The following ARAP3 variants were observed in gnomAD, a reference collection of about 807,000 sequenced individuals.
ARAP3 encodes the protein arf-GAP with Rho-GAP domain, ANK repeat and PH domain-containing protein 3.
A neutral mutation model predicts 169.2 loss-of-function variants in ARAP3; 82 were observed. The observed-to-expected ratio is 0.48, with a 90% CI of 0.41 to 0.58. The LOEUF (loss-of-function observed/expected upper bound fraction) is 0.58, where lower values mean the gene tolerates loss of function less well. Among genes scored for constraint, ARAP3 ranks in the 20% least tolerant of loss-of-function variants. The pLI is 0.00. For missense variants in ARAP3, 1,764 were observed against 2,018.0 expected, an observed-to-expected ratio of 0.87 and a Z score of 2.41; for synonymous variants, 791 against 800.3, an observed-to-expected ratio of 0.99 and a Z score of 0.20.
chr5:141,669,747 C>T lies in ARAP3; in HGVS notation c.2314G>A (p.Ala772Thr), dbSNP rs200780879. 2.1e-4 allele frequency: 338 copies of T among 1,614,138 alleles called. 1 individual carries two copies. The highest frequency in any genetic ancestry group is 1.4e-4 in the Non-Finnish European group (165 of 1,179,998). ...CTAGTCCAGGCCTCCAGACTGTCAG[C>T]TCCATCTGTGCCAAAATGCTGGATC... is the stretch of plus-strand genomic sequence containing the variant. ...GRIQHFGTDGADSLEAWTSAV... is the reference protein window; with the variant it reads ...GRIQHFGTDGTDSLEAWTSAV... The change falls in exon 16 of 33, where the codon GCT becomes ACT. Residue 772 changes from alanine to threonine, a missense_variant. Transcript: ENST00000239440.
At chr5:141,661,619 T>C (rs138633795) in intron 21 of ARAP3, 65 bp downstream of exon 21, 4 of 1,427,080 alleles carry the variant, frequency 2.8e-6, no homozygotes, top group African/African-American at 1.4e-5. Context: ...AATGAATAAA[T>C]GAATGAAAGT....
chr5:141,676,339 C>T (rs993030132), intron 4 of ARAP3, among the ~76,000 whole-genome samples: 2 of 152,220 alleles, frequency 1.3e-5, no homozygotes, highest in African/African-American at 4.8e-5. Flanking sequence ...CAGAGCAAGA[C>T]TCCGTCTCAA....
chr5:141,654,359 T>C lies in ARAP3; in HGVS notation c.4226A>G (p.Glu1409Gly). ...EEPVYEEPVY[E>G]EVGAFPELIQ... The stretch of plus-strand genomic sequence containing the variant: ...CAACTCAGGGAAGGCCCCTACTTCC[T>C]CATACACTGGCTCCTCGTACACAGG... Residue 1409 changes from glutamate (E) to glycine (G), a missense_variant, in exon 33 of 33, where the codon GAG (glutamate) becomes GGG (glycine). By Grantham distance (98) the Glu-to-Gly change is moderately conservative. Transcript: ENST00000239440. The C allele has an allele frequency of 2.5e-6, 4 of 1,613,984 alleles. No individual in the cohort carries two copies. Among genetic ancestry groups the C allele is most frequent in the Non-Finnish European group, 2.5e-6 (3 of 1,179,944 alleles).
At chr5:141,656,017 GGGTGCAGA>G in intron 29 of ARAP3, 39 bp downstream of exon 29, 2 of 1,613,956 alleles carry the variant, frequency 1.2e-6, no homozygotes, top group Non-Finnish European at 1.7e-6. Context: ...AGAAAAGACA[GGGTGCAGA>G]GGTGGGCCAG....
At position 141,655,420 on chromosome 5, in the gene ARAP3, G is replaced by A; in HGVS notation, c.4111-20C>T. ...TCGCCGCTGGACACAGGTGGGGTGG[G>A]GACAAGGGGAAGGAAAGACATAAAG... On this transcript the variant is annotated intron_variant, in intron 31 of 32. Transcript: ENST00000239440. 6.3e-7 allele frequency: 1 copy of A among 1,586,760 alleles called. No homozygotes were observed. The highest frequency in any genetic ancestry group is 1.8e-5 in the Admixed American group (1 of 55,266).
Position 141,680,068 on chromosome 5 carries a change from G to A in ARAP3, c.419C>T (p.Thr140Ile), listed in dbSNP as rs1315415740. 6.2e-7 allele frequency: 1 copy of A among 1,614,130 alleles called. No homozygotes were observed. The highest frequency in any genetic ancestry group is 2.2e-5 in the East Asian group (1 of 44,868). Residue 140 changes from threonine to isoleucine, a missense_variant, in exon 2 of 33, where the codon ACT becomes ATT. Physicochemically the swap from Thr to Ile is moderately conservative, Grantham distance 89 (BLOSUM62 -1). Coordinates refer to ENST00000239440, the MANE Select transcript of ARAP3 (RefSeq NM_022481.6). ...EPSPRPPPLP[T>I]SSSEQSSALN... ...GGCTGAAGACTGCTCAGAGGAGGAA[G>A]TGGGGAGAGGAGGAGGCCTTGGGCT...
chr5:141,659,874 G>C lies in ARAP3; in HGVS notation c.3172C>G (p.Leu1058Val). The change falls in exon 22 of 33, where the codon CTG becomes GTG. Residue 1058 changes from leucine (L) to valine (V), a missense_variant. Around this residue, in one of 3 missense-constraint regions of ARAP3, gnomAD observed 1,112 missense variants for 1,285.7 expected, o/e 0.86. Transcript: ENST00000239440. ...GTCTGGAACACGCTGGGTGCAAACAGCAGAGCCAAGTTCCGCGTGCACATC... is the reference window on the plus strand; with the variant it reads ...GTCTGGAACACGCTGGGTGCAAACACCAGAGCCAAGTTCCGCGTGCACATC... ...NQMCTRNLAL[L>V]FAPSVFQTDG... 6.3e-7 allele frequency: 1 copy of C among 1,596,138 alleles called. No homozygotes were observed. The highest frequency in any genetic ancestry group is 8.5e-7 in the Non-Finnish European group (1 of 1,171,962).
Position 141,672,418 on chromosome 5 carries a change from A to G in ARAP3, c.1386-117T>C, listed in dbSNP as rs1040507409. On this transcript the variant is annotated intron_variant, in intron 9 of 32. Transcript: ENST00000239440. This position sits in a 1 kb window ranked among gnomAD's most constrained non-coding sequence, Gnocchi z 4.9. Reference sequence around the variant, plus strand: ...CTGGGGCAGCCCAGACCCTTCTGACATCTTGACCTAGCTCACTGGACTACC... The same window carrying G: ...CTGGGGCAGCCCAGACCCTTCTGACGTCTTGACCTAGCTCACTGGACTACC... 76 of 1,487,594 alleles carry G rather than the reference A, an allele frequency of 5.1e-5. No homozygotes were observed. The highest frequency in any genetic ancestry group is 6.9e-5 in the Non-Finnish European group (75 of 1,090,912). 92.1% of individuals were successfully genotyped at this position (1,487,594 alleles called of 1,614,324 possible).
chr5:141,675,038 G>A (rs73285864), intron 4 of ARAP3, among the ~76,000 whole-genome samples: 129 of 152,320 alleles, frequency 8.5e-4, no homozygotes, highest in African/African-American at 3.0e-3. Context: ...AGTGAGGCCC[G>A]TAGGCCACTC....
rs184095291 is a variant in ARAP3, at chr5:141,663,206, C to T, written c.2801-951G>A. ...ACCCACCCTGCTTACTGCCATATCC[C>T]CAGTGTCTGACACACGGTAGCAGCT... On this transcript the variant is annotated intron_variant, in intron 19 of 32. Transcript: ENST00000239440. Among the ~76,000 whole-genome samples, 165 of 152,290 alleles carry T rather than the reference C, an allele frequency of 1.1e-3. 3 individuals are homozygous for T. The highest frequency in any genetic ancestry group is 3.7e-3 in the African/African-American group (154 of 41,560).
At chr5:141,664,377 C>A (rs368380203) in intron 19 of ARAP3, among the ~76,000 whole-genome samples, 25 of 151,958 alleles carry the variant, frequency 1.6e-4, no homozygotes, top group African/African-American at 6.0e-4. Flanking sequence ...GAGCAAGACT[C>A]CATCTCAAAA....
In ARAP3 at chr5:141,666,482, C is replaced by T. The variant is rs761889802; in HGVS notation, c.2514G>A (p.Pro838=). 3.8e-6 allele frequency: 6 copies of T among 1,598,952 alleles called. No homozygotes were observed. The highest frequency in any genetic ancestry group is 1.7e-5 in the Admixed American group (1 of 57,962). ...RGDHLFLCSA[P]GPGPPAPEDM... ...CCTCAGGGGCTGGGGGGCCTGGGCC[C>T]GGCGCTGAGCACAGGAAGAGGTGGT... The change falls in exon 17 of 33, where the codon CCG becomes CCA. Residue 838 remains proline (P), a synonymous_variant. Coordinates refer to ENST00000239440, the MANE Select transcript of ARAP3 (RefSeq NM_022481.6).
rs1562420371 is a variant in ARAP3, at chr5:141,672,276, G to A, written c.1411C>T (p.Arg471Trp). The A allele has an allele frequency of 3.7e-6, 6 of 1,614,062 alleles. No individual in the cohort carries two copies. The African/African-American group carries it at 4.0e-5, about 11-fold the overall frequency. The change falls in exon 10 of 33, where the codon CGG becomes TGG. Residue 471 changes from arginine (R) to tryptophan (W), a missense_variant. This residue lies in a region of ARAP3 where 630 missense variants were observed against 678.7 expected (regional missense o/e 0.93). Coordinates refer to ENST00000239440, the MANE Select transcript of ARAP3 (RefSeq NM_022481.6). This position sits in a 1 kb window ranked among gnomAD's most constrained non-coding sequence, Gnocchi z 4.9. ...TGCAGAGCGGCCGCCCAGCTCTGCC[G>A]AGCACCCCCAGACTCGGCTGTGAAG... ...FSFTAESGGA[R>W]QSWAAALQEA...
At chr5:141,675,777 T>G (rs2099912101) in intron 4 of ARAP3, among the ~76,000 whole-genome samples, 1 of 152,124 alleles carries the variant, frequency 6.6e-6, no homozygotes. Context: ...AAACTGCTAC[T>G]GCAGCCTCTG....
In ARAP3 at chr5:141,680,598, A is replaced by G. The variant is rs1562431007; in HGVS notation, c.-17-95T>C. The G allele has an allele frequency of 4.9e-6, 7 of 1,434,046 alleles. No individual in the cohort carries two copies. The South Asian group carries it at 1.0e-4, about 21-fold the overall frequency. The allele number at this position is 1,434,046 out of a possible 1,614,324, so 88.8% of individuals were successfully genotyped here. A position where few individuals can be genotyped will look rare whatever the true frequency, so the allele number is the denominator to read the frequency against. On this transcript the variant is annotated intron_variant, in intron 1 of 32. Coordinates refer to ENST00000239440, the MANE Select transcript of ARAP3 (RefSeq NM_022481.6). ...CCTGGACAGTGAGCACCAGCCTCCA[A>G]TCTTCCTCCAAAGAAAGATGCTGAA... is the stretch of plus-strand genomic sequence containing the variant.
At position 141,671,179 on chromosome 5, in the gene ARAP3, C is replaced by T; in HGVS notation, c.1990+86G>A. ...GCCCAGGCTGGGCCATTGTGATCAG[C>T]TAATTGGGGCCCCTTGGAAGAACTG... is the stretch of plus-strand genomic sequence containing the variant. On this transcript the variant is annotated intron_variant, in intron 13 of 32. Transcript: ENST00000239440. This position sits in a 1 kb window ranked among gnomAD's most constrained non-coding sequence, Gnocchi z 4.9. 1 of 1,518,340 alleles carries T rather than the reference C, an allele frequency of 6.6e-7. No homozygotes were observed. The highest frequency in any genetic ancestry group is 8.9e-7 in the Non-Finnish European group (1 of 1,128,478). The allele number at this position is 1,518,340 out of a possible 1,614,324, so 94.1% of individuals were successfully genotyped here.
At chr5:141,661,947 G>A in intron 20 of ARAP3, 96 bp downstream of exon 20, 1 of 1,543,288 alleles carries the variant, frequency 6.5e-7, no homozygotes, top group Non-Finnish European at 8.9e-7. Flanking sequence ...CCCCAGGGTG[G>A]GAAGTGATGG....
intron 13 of ARAP3, among the ~76,000 whole-genome samples, chr5:141,670,853 T>C (rs530442781): frequency 6.6e-6 from 1 of 152,238 alleles, no homozygotes; most frequent in Non-Finnish European, 1.5e-5. Flanking sequence ...GCCCACTGCC[T>C]CTCCCTACCA....
intron 16 of ARAP3, among the ~76,000 whole-genome samples, chr5:141,667,135 A>G (rs1276961713): frequency 6.6e-6 from 1 of 151,826 alleles, no homozygotes; most frequent in Non-Finnish European, 1.5e-5. Flanking sequence ...GCTGGTCTCG[A>G]ACTCCCACCT....
Sources: gnomAD v4.1 joint callset for allele counts (sites outside exome capture counted in the v4.1 genomes callset) on GRCh38, gnomAD v4.1.1 for gene constraint, gnomAD v4.1.1 regional missense constraint, Gnocchi (gnomAD v3.1) non-coding constraint, MANE v1.5 for transcripts, NCBI Gene and HGNC (gene_info 2026-07-23, HGNC 2026-07-21) for gene names.